Variants in MLLT3 observed in about 807,000 individuals in gnomAD.
MLLT3 encodes MLLT3 super elongation complex subunit.
Under a neutral mutation model 53.2 loss-of-function variants are expected in MLLT3, and 4 were observed. The observed-to-expected ratio is 0.08, with a 90% CI of 0.04 to 0.17. MLLT3 has a LOEUF of 0.17. Ranked by LOEUF, MLLT3 falls within the 10% of genes least tolerant of loss-of-function variation. The pLI, the probability that MLLT3 is intolerant of heterozygous loss-of-function variation, is 1.00. For synonymous variants in MLLT3, 283 were observed against 230.6 expected (o/e 1.23, Z -2.06); for missense variants, 569 against 684.0 (o/e 0.83, Z 1.87).
chr9:20,383,845 T>C (rs1240936865), intron 5 of MLLT3, among the ~76,000 whole-genome samples: 1 of 151,916 alleles, frequency 6.6e-6, no homozygotes, highest in East Asian at 1.9e-4. Flanking sequence ...CAATGCCCAA[T>C]ATATAAGACA....
intron 2 of MLLT3, among the ~76,000 whole-genome samples, chr9:20,590,093 T>C (rs894954374): frequency 1.3e-5 from 2 of 152,132 alleles, no homozygotes; most frequent in African/African-American, 4.8e-5. Flanking sequence ...GTCATCTAGG[T>C]CAGCTGTTAG....
chr9:20,537,569 T>C (rs1818519956), intron 2 of MLLT3, among the ~76,000 whole-genome samples: 2 of 152,206 alleles, frequency 1.3e-5, no homozygotes, highest in South Asian at 4.1e-4. Flanking sequence ...GAGGGAGTCC[T>C]GCCAATTCAC....
intron 5 of MLLT3, among the ~76,000 whole-genome samples, chr9:20,370,702 G>T (rs1036869083): frequency 1.3e-4 from 20 of 152,008 alleles, no homozygotes; most frequent in Non-Finnish European, 2.6e-4. Context: ...GTAGAGATGG[G>T]GTTTCGCCAT....
At chr9:20,550,514 T>C (rs1818900053) in intron 2 of MLLT3, among the ~76,000 whole-genome samples, 1 of 151,648 alleles carries the variant, frequency 6.6e-6, no homozygotes, top group Non-Finnish European at 1.5e-5. Flanking sequence ...CACCATAACC[T>C]CGGCCTCCCA....
Position 20,502,067 on chromosome 9 carries a change from G to A in MLLT3, c.194-45281C>T, listed in dbSNP as rs1414915002. On this transcript the variant is annotated intron_variant, in intron 2 of 10. Coordinates refer to ENST00000380338, the MANE Select transcript of MLLT3 (RefSeq NM_004529.4). Reference sequence around the variant, plus strand: ...TTGCACTCCAGCCTGGGCAACAAGAGCGAAACTCCATCTCAAAAAAAAAAA... The same window carrying A: ...TTGCACTCCAGCCTGGGCAACAAGAACGAAACTCCATCTCAAAAAAAAAAA... Among the ~76,000 whole-genome samples the A allele has an allele frequency of 4.5e-5, 5 of 111,134 alleles. No individual in the cohort carries two copies. In the East Asian group the frequency reaches 1.7e-3, roughly 38 times the overall value. The allele number at this position is 111,134 out of a possible 152,430, so 72.9% of individuals were successfully genotyped here. A position where few individuals can be genotyped will look rare whatever the true frequency, so the allele number is the denominator to read the frequency against.
chr9:20,379,137 C>A (rs1821847984), intron 5 of MLLT3, among the ~76,000 whole-genome samples: 1 of 152,032 alleles, frequency 6.6e-6, no homozygotes, highest in Non-Finnish European at 1.5e-5. Flanking sequence ...GGTAACAGAA[C>A]GTTTCTCTTC....
chr9:20,568,453 ATTACT>A (rs1338996365), intron 2 of MLLT3, among the ~76,000 whole-genome samples: 1 of 152,174 alleles, frequency 6.6e-6, no homozygotes, highest in African/African-American at 2.4e-5. Flanking sequence ...CAAGAATCAT[ATTACT>A]TTATGTTCAG....
intron 3 of MLLT3, among the ~76,000 whole-genome samples, chr9:20,453,418 G>A (rs964067828): frequency 1.3e-5 from 2 of 152,132 alleles, no homozygotes; most frequent in South Asian, 2.1e-4. Context: ...AAAATTAGCC[G>A]GGTCCGTGGT....
At position 20,621,015 on chromosome 9, in the gene MLLT3, G is replaced by A; in HGVS notation, c.13-181C>T. ...ACACTCCACACCCCCAAATATACCC[G>A]CCCGCCCGGCCCGGCTTGGCCCCAG... is the stretch of plus-strand genomic sequence containing the variant. On this transcript the variant is annotated intron_variant, in intron 1 of 10. Transcript: ENST00000380338. The surrounding 1 kb of genome is among the most constrained non-coding windows in gnomAD (Gnocchi z 7.0). 2.6e-6 allele frequency: 2 copies of A among 761,780 alleles called. No homozygotes were observed. The highest frequency in any genetic ancestry group is 4.5e-6 in the Non-Finnish European group (2 of 443,768). The allele number at this position is 761,780 out of a possible 1,614,324, so 47.2% of individuals were successfully genotyped here. A position where few individuals can be genotyped will look rare whatever the true frequency, so the allele number is the denominator to read the frequency against.
chr9:20,429,450 G>A (rs1005425761), intron 4 of MLLT3, among the ~76,000 whole-genome samples: 2 of 151,904 alleles, frequency 1.3e-5, no homozygotes, highest in Non-Finnish European at 2.9e-5. Flanking sequence ...ATCCTACCAA[G>A]AAGAGTAAGA....
intron 8 of MLLT3, among the ~76,000 whole-genome samples, chr9:20,359,226 A>C (rs1821257250): frequency 6.6e-6 from 1 of 151,948 alleles, no homozygotes; most frequent in South Asian, 2.1e-4. Flanking sequence ...CTGAAGCACA[A>C]ATTTACAAAA....
chr9:20,568,741 G>C (rs543886941), intron 2 of MLLT3, among the ~76,000 whole-genome samples: 1 of 152,124 alleles, frequency 6.6e-6, no homozygotes, highest in Admixed American at 6.6e-5. Flanking sequence ...GTTTAACAAG[G>C]TTTATTTCCC....
intron 5 of MLLT3, among the ~76,000 whole-genome samples, chr9:20,400,544 T>C (rs1822429242): frequency 6.6e-6 from 1 of 152,106 alleles, no homozygotes; most frequent in South Asian, 2.1e-4. Flanking sequence ...CATATTAAAA[T>C]ATCTATAAAT....
chr9:20,544,705 C>T (rs1818740149), intron 2 of MLLT3, among the ~76,000 whole-genome samples: 1 of 152,140 alleles, frequency 6.6e-6, no homozygotes, highest in Admixed American at 6.5e-5. Context: ...CTAGAATTAC[C>T]ATAGGATTCA....
chr9:20,395,562 T>G (rs75194887), intron 5 of MLLT3, among the ~76,000 whole-genome samples: 2,235 of 152,232 alleles, frequency 0.015, 48 homozygotes, highest in African/African-American at 0.05. Flanking sequence ...GCAAAACTGT[T>G]TTTGCCTTTC....
chr9:20,403,844 G>A (rs1822515722), intron 5 of MLLT3, among the ~76,000 whole-genome samples: 1 of 152,114 alleles, frequency 6.6e-6, no homozygotes, highest in Non-Finnish European at 1.5e-5. Context: ...CAGAAACAGT[G>A]TCTCACTCAC....
chr9:20,621,918 T>TGTGA lies in MLLT3; in HGVS notation c.12+323_12+326dup, dbSNP rs1821025192. Reference sequence around the variant, plus strand: ...TCCTTCCACCGTGTGTGTGTGTGTGTGTGAGTGCGCGCGTGTGAGCGAGAG... The same window carrying TGTGA: ...TCCTTCCACCGTGTGTGTGTGTGTGTGTGAGTGAGTGCGCGCGTGTGAGCGAGAG... On this transcript the variant is annotated intron_variant, in intron 1 of 10. Coordinates refer to ENST00000380338, the MANE Select transcript of MLLT3 (RefSeq NM_004529.4). The surrounding 1 kb of genome is among the most constrained non-coding windows in gnomAD (Gnocchi z 7.0). 2 of 1,382,656 alleles carry TGTGA rather than the reference T, an allele frequency of 1.4e-6. No individual in the cohort carries two copies. Among genetic ancestry groups the TGTGA allele is most frequent in the East Asian group, 3.0e-5 (1 of 33,856 alleles). 85.6% of individuals were successfully genotyped at this position (1,382,656 alleles called of 1,614,324 possible). A position where few individuals can be genotyped will look rare whatever the true frequency, so the allele number is the denominator to read the frequency against.
At chr9:20,576,991 T>C (rs1286938633) in intron 2 of MLLT3, among the ~76,000 whole-genome samples, 2 of 152,146 alleles carry the variant, frequency 1.3e-5, no homozygotes, top group Non-Finnish European at 2.9e-5. Context: ...CAAATCACAC[T>C]ATATCTGCAA....
At chr9:20,484,431 C>T (rs1283910033) in intron 2 of MLLT3, among the ~76,000 whole-genome samples, 2 of 152,132 alleles carry the variant, frequency 1.3e-5, no homozygotes, top group South Asian at 2.1e-4. Flanking sequence ...AGCTATCTAT[C>T]GCCTAATTTT....
Sources: gnomAD v4.1 joint callset for allele counts (sites outside exome capture counted in the v4.1 genomes callset) on GRCh38, gnomAD v4.1.1 for gene constraint, Gnocchi (gnomAD v3.1) non-coding constraint, MANE v1.5 for transcripts, NCBI Gene and HGNC (gene_info 2026-07-23, HGNC 2026-07-21) for gene names.